Variants in ZSWIM6 observed in about 807,000 individuals in gnomAD.
The protein encoded by ZSWIM6 is zinc finger SWIM-type containing 6.
Under a neutral mutation model 113.2 loss-of-function variants are expected in ZSWIM6, and 9 were observed. The ratio of observed to expected loss-of-function variants is 0.08; its 90% CI spans 0.05 to 0.14. The LOEUF (loss-of-function observed/expected upper bound fraction) is 0.14. Among genes scored for constraint, ZSWIM6 ranks in the 10% least tolerant of loss-of-function variants. The pLI, the probability that ZSWIM6 is intolerant of heterozygous loss-of-function variation, is 1.00. For synonymous variants in ZSWIM6, 611 were observed against 606.5 expected, an observed-to-expected ratio of 1.01 and a Z score of -0.11; for missense variants, 1,162 against 1,552.2, an observed-to-expected ratio of 0.75 and a Z score of 4.22.
At position 61,472,377 on chromosome 5, in the gene ZSWIM6, G is replaced by A. The variant is rs931272359; in HGVS notation, c.677-304G>A. ...ACTGATTCAGAGCAGAGTAATGATG[G>A]CCTCTTAGTGCGTGATCTAACCACT... On this transcript the variant is annotated intron_variant, in intron 1 of 13. Transcript: ENST00000252744. The surrounding 1 kb of genome is among the most constrained non-coding windows in gnomAD (Gnocchi z 4.1). 1.3e-5 allele frequency among the ~76,000 whole-genome samples: 2 copies of A among 152,168 alleles called. No homozygotes were observed. Among genetic ancestry groups the A allele is most frequent in the South Asian group, 4.1e-4 (2 of 4,836 alleles).
At chr5:61,488,628 T>G (rs1748092292) in intron 2 of ZSWIM6, among the ~76,000 whole-genome samples, 1 of 152,080 alleles carries the variant, frequency 6.6e-6, no homozygotes, top group Admixed American at 6.6e-5. Flanking sequence ...GATCGTCTTC[T>G]GTATTTCTGT....
At chr5:61,506,125 A>G (rs928838797) in intron 4 of ZSWIM6, among the ~76,000 whole-genome samples, 6 of 152,192 alleles carry the variant, frequency 3.9e-5, no homozygotes, top group Non-Finnish European at 5.9e-5. Flanking sequence ...GTGATAACCA[A>G]TTGTGTGCCA....
At chr5:61,424,484 AG>A (rs1274182735) in intron 1 of ZSWIM6, among the ~76,000 whole-genome samples, 2 of 152,166 alleles carry the variant, frequency 1.3e-5, no homozygotes, top group Non-Finnish European at 1.5e-5. Flanking sequence ...AGACGCTGAC[AG>A]ATAATCTCGG....
At chr5:61,419,424 T>A (rs576587889) in intron 1 of ZSWIM6, among the ~76,000 whole-genome samples, 2 of 152,344 alleles carry the variant, frequency 1.3e-5, no homozygotes, top group East Asian at 3.9e-4. Flanking sequence ...TTGATTTTCA[T>A]TTGTACTCAA....
chr5:61,450,655 A>G (rs1747067056), intron 1 of ZSWIM6, among the ~76,000 whole-genome samples: 1 of 152,126 alleles, frequency 6.6e-6, no homozygotes, highest in Admixed American at 6.6e-5. Flanking sequence ...TGAATGCTTG[A>G]TCTACATAAT....
intron 1 of ZSWIM6, among the ~76,000 whole-genome samples, chr5:61,436,504 G>A (rs1746710482): frequency 6.6e-6 from 1 of 152,068 alleles, no homozygotes; most frequent in Non-Finnish European, 1.5e-5. Context: ...ACTTATTTAT[G>A]GAAGCCCTAT....
chr5:61,537,077 A>G (rs1749595108), intron 10 of ZSWIM6, among the ~76,000 whole-genome samples: 1 of 152,232 alleles, frequency 6.6e-6, no homozygotes, highest in Non-Finnish European at 1.5e-5. Flanking sequence ...TGTTAATGTT[A>G]TGGTGCCACC....
chr5:61,494,149 G>GT, intron 3 of ZSWIM6, 111 bp from the exon 4 acceptor site: 1 of 1,011,406 alleles, frequency 9.9e-7, no homozygotes. Flanking sequence ...CACACACGGA[G>GT]AGAGAGAGAG....
chr5:61,390,602 G>A (rs1745686765), intron 1 of ZSWIM6: 1 of 658,046 alleles, frequency 1.5e-6, no homozygotes, highest in Admixed American at 2.0e-5. Flanking sequence ...CTCAAAAATG[G>A]TATTTTTTTT....
chr5:61,494,511 T>G (rs1748269343), intron 4 of ZSWIM6, 101 bp downstream of exon 4: 2 of 1,408,930 alleles, frequency 1.4e-6, no homozygotes, highest in African/African-American at 2.8e-5. Flanking sequence ...AAGAGAGAGC[T>G]GCTCATGCAT....
At chr5:61,467,772 G>C (rs1747468297) in intron 1 of ZSWIM6, among the ~76,000 whole-genome samples, 1 of 152,250 alleles carries the variant, frequency 6.6e-6, no homozygotes, top group South Asian at 2.1e-4. Flanking sequence ...AAAGAGAGCT[G>C]GGTTGAGTAA....
intron 1 of ZSWIM6, among the ~76,000 whole-genome samples, chr5:61,421,563 G>A (rs1359391254): frequency 6.6e-6 from 1 of 152,106 alleles, no homozygotes; most frequent in Non-Finnish European, 1.5e-5. Context: ...GGGGTTTGTT[G>A]TACAGATTAT....
At chr5:61,525,745 T>C in intron 5 of ZSWIM6, 55 bp from the exon 6 acceptor site, 1 of 1,529,802 alleles carries the variant, frequency 6.5e-7, no homozygotes, top group Non-Finnish European at 8.8e-7. Flanking sequence ...GTATGACTGA[T>C]TTATTCACAT....
chr5:61,340,633 C>T (rs1444636318), intron 1 of ZSWIM6, among the ~76,000 whole-genome samples: 1 of 152,130 alleles, frequency 6.6e-6, no homozygotes, highest in East Asian at 1.9e-4. Context: ...AACTGAGGCC[C>T]AAACTCGTTG....
intron 4 of ZSWIM6, among the ~76,000 whole-genome samples, chr5:61,510,235 A>T (rs891053372): frequency 6.6e-5 from 10 of 151,858 alleles, no homozygotes; most frequent in African/African-American, 1.9e-4. Flanking sequence ...TGGTGGTGAT[A>T]ATTTGTACAT....
intron 1 of ZSWIM6, among the ~76,000 whole-genome samples, chr5:61,388,400 C>T (rs1167911270): frequency 6.6e-6 from 1 of 152,206 alleles, no homozygotes; most frequent in Non-Finnish European, 1.5e-5. Flanking sequence ...GAATTAGTGG[C>T]CTGTCAAAGC....
At chr5:61,536,201 C>T (rs561223762) in intron 10 of ZSWIM6, among the ~76,000 whole-genome samples, 95 of 152,320 alleles carry the variant, frequency 6.2e-4, no homozygotes, top group African/African-American at 2.1e-3. Flanking sequence ...CCTCATCGGT[C>T]TCTCCTTTTC....
At chr5:61,393,065 A>C (rs1298447647) in intron 1 of ZSWIM6, among the ~76,000 whole-genome samples, 1 of 151,696 alleles carries the variant, frequency 6.6e-6, no homozygotes, top group Non-Finnish European at 1.5e-5. Flanking sequence ...TTTGAGACAG[A>C]GTCTCGCTCT....
intron 3 of ZSWIM6, among the ~76,000 whole-genome samples, chr5:61,492,370 G>C (rs1320384338): frequency 1.3e-5 from 2 of 151,984 alleles, no homozygotes; most frequent in Non-Finnish European, 2.9e-5. Flanking sequence ...CATTATGTAT[G>C]CCATATGAAG....
Sources: gnomAD v4.1 joint callset for allele counts (sites outside exome capture counted in the v4.1 genomes callset) on GRCh38, gnomAD v4.1.1 for gene constraint, Gnocchi (gnomAD v3.1) non-coding constraint, MANE v1.5 for transcripts, NCBI Gene and HGNC (gene_info 2026-07-23, HGNC 2026-07-21) for gene names.